ZNF517: variants seen among roughly 807,000 people sequenced by gnomAD.
ZNF517 encodes the protein zinc finger protein 517.
A neutral mutation model predicts 12.1 loss-of-function variants in ZNF517; 12 were observed. The ratio of observed to expected loss-of-function variants is 0.99; its 90% CI spans 0.63 to 1.61. The LOEUF is 1.61. ZNF517 is among the 40% of genes most tolerant of loss of function. The pLI is 0.00. For synonymous variants in ZNF517, 388 were observed against 310.2 expected (o/e 1.25, Z -2.63); for missense variants, 781 against 693.2 (o/e 1.13, Z -1.42).
chr8:144,805,727 T>C (rs1827194137), intron 4 of ZNF517, among the ~76,000 whole-genome samples: 1 of 151,852 alleles, frequency 6.6e-6, no homozygotes, highest in African/African-American at 2.4e-5. Context: ...GCCATTCTTC[T>C]GCCTCAGCCT....
intron 1 of ZNF517, among the ~76,000 whole-genome samples, chr8:144,800,151 C>T (rs1436896788): frequency 6.6e-6 from 1 of 151,784 alleles, no homozygotes; most frequent in African/African-American, 2.4e-5. Flanking sequence ...GTCTTCCAGA[C>T]CCCAGTTAAA....
intron 3 of ZNF517, 170 bp from the exon 4 acceptor site, chr8:144,803,955 C>T (rs1827098525): frequency 9.2e-7 from 1 of 1,091,524 alleles, no homozygotes; most frequent in African/African-American, 1.6e-5. Flanking sequence ...GGCTTCTCTC[C>T]TGGGGCAGGC....
intron 4 of ZNF517, among the ~76,000 whole-genome samples, chr8:144,804,814 G>A (rs574233820): frequency 1.3e-5 from 2 of 152,320 alleles, no homozygotes; most frequent in African/African-American, 4.8e-5. Context: ...CGGAGAGAGA[G>A]ACAGGACAGC....
chr8:144,806,422 C>T (rs892462131), intron 4 of ZNF517, among the ~76,000 whole-genome samples: 1 of 152,222 alleles, frequency 6.6e-6, no homozygotes, highest in African/African-American at 2.4e-5. Context: ...TCCCACAGTG[C>T]TGGAGCCATT....
Position 144,803,787 on chromosome 8 carries a change from G to C in ZNF517, c.160+20G>C, listed in dbSNP as rs1478717283. ...CACTAGGTGAGGGCTTCTGCCTTTG[G>C]TCCTGGGGCCGGGAGGTGCGTCTGT... On this transcript the variant is annotated intron_variant, in intron 3 of 4. Coordinates refer to ENST00000359971, the MANE Select transcript of ZNF517 (RefSeq NM_213605.3). 1.9e-6 allele frequency: 3 copies of C among 1,610,340 alleles called. No individual in the cohort carries two copies. The South Asian group carries it at 3.3e-5, about 18-fold the overall frequency.
At chr8:144,799,734 A>G (rs796249510) in intron 1 of ZNF517, among the ~76,000 whole-genome samples, 4 of 152,238 alleles carry the variant, frequency 2.6e-5, no homozygotes, top group African/African-American at 9.6e-5. Flanking sequence ...AGGTCAGGAG[A>G]TCGAGACCAT....
intron 4 of ZNF517, among the ~76,000 whole-genome samples, chr8:144,805,126 G>A (rs1262426538): frequency 6.6e-6 from 1 of 152,220 alleles, no homozygotes; most frequent in Non-Finnish European, 1.5e-5. Flanking sequence ...AGGCACTGGG[G>A]TTACTGCTAG....
At position 144,807,889 on chromosome 8, in the gene ZNF517, C is replaced by T. The variant is rs1273355544; in HGVS notation, c.973C>T (p.Arg325Cys). 14 of 1,548,358 alleles carry T rather than the reference C, an allele frequency of 9.0e-6. No individual in the cohort carries two copies. Among genetic ancestry groups the T allele is most frequent in the Admixed American group, 2.0e-5 (1 of 50,506 alleles). Residue 325 changes from arginine (R) to cysteine (C), a missense_variant, in exon 5 of 5, where the codon CGC becomes TGC. Coordinates refer to ENST00000359971, the MANE Select transcript of ZNF517 (RefSeq NM_213605.3). Reference sequence around the variant, plus strand: ...CTACCGGTGCCTGCGGTGTGGGCAGCGCTTCATCCGAGGGTCCTCGCTCCT... The same window carrying T: ...CTACCGGTGCCTGCGGTGTGGGCAGTGCTTCATCCGAGGGTCCTCGCTCCT... ...RPYRCLRCGQ[R>C]FIRGSSLLKH...
At position 144,808,212 on chromosome 8, in the gene ZNF517, G is replaced by A. The variant is rs752756753; in HGVS notation, c.1296G>A (p.Ala432=). The A allele has an allele frequency of 1.4e-5, 23 of 1,607,260 alleles. No individual in the cohort carries two copies. The highest frequency in any genetic ancestry group is 1.0e-4 in the South Asian group (9 of 90,406). ...TCGCGTGCACCGAGTGCGGCAAGGC[G>A]TTCCGCAGGAGCTACACGCTGAACG... ...KPFACTECGK[A]FRRSYTLNEH... Residue 432 remains alanine (A), a synonymous_variant, in exon 5 of 5, where the codon GCG becomes GCA. Transcript: ENST00000359971.
At chr8:144,803,234 T>G (rs1357598550) in intron 2 of ZNF517, 2 of 510,646 alleles carry the variant, frequency 3.9e-6, no homozygotes, top group African/African-American at 3.8e-5. Context: ...AGTGCCTGCC[T>G]CCTTCCTGGT....
chr8:144,805,072 G>A lies in ZNF517; in HGVS notation c.274+834G>A, dbSNP rs114639732. 8.7e-3 allele frequency among the ~76,000 whole-genome samples: 1,320 copies of A among 152,358 alleles called. 26 individuals are homozygous for A. The highest frequency in any genetic ancestry group is 0.029 in the African/African-American group (1,219 of 41,602). Reference sequence around the variant, plus strand: ...GTCTTCTCTAACTACCCTGGGGAAAGGAAGACTCCCTTTCCAGGTCTGCTA... The same window carrying A: ...GTCTTCTCTAACTACCCTGGGGAAAAGAAGACTCCCTTTCCAGGTCTGCTA... On this transcript the variant is annotated intron_variant, in intron 4 of 4. Coordinates refer to ENST00000359971, the MANE Select transcript of ZNF517 (RefSeq NM_213605.3).
chr8:144,802,206 C>G (rs781534767), intron 1 of ZNF517, among the ~76,000 whole-genome samples: 1 of 152,126 alleles, frequency 6.6e-6, no homozygotes, highest in Non-Finnish European at 1.5e-5. Context: ...TTATTGGTTG[C>G]AGAGTCACCC....
intron 1 of ZNF517, chr8:144,800,446 C>T: frequency 1.0e-6 from 1 of 977,098 alleles, no homozygotes; most frequent in Non-Finnish European, 1.2e-6. Flanking sequence ...CGCTCCTAGT[C>T]CAAGTCCTAC....
rs750707761 is a variant in ZNF517, at chr8:144,809,945, C to T, written c.*1550C>T. 188 of 418,070 alleles carry T rather than the reference C, an allele frequency of 4.5e-4. No individual in the cohort carries two copies. The highest frequency in any genetic ancestry group is 7.0e-4 in the Admixed American group (18 of 25,872). The allele number at this position is 418,070 out of a possible 1,614,324, so 25.9% of individuals were successfully genotyped here. ...CTGGGTGCCTGTAATCCCAGCTACT[C>T]GGGAGGCTGAAGCAGGAGAATCACT... On this transcript the variant is annotated 3_prime_UTR_variant, in exon 5 of 5. Coordinates refer to ENST00000359971, the MANE Select transcript of ZNF517 (RefSeq NM_213605.3).
At chr8:144,800,582 C>A (rs1039890764) in intron 1 of ZNF517, 7 of 985,232 alleles carry the variant, frequency 7.1e-6, no homozygotes, top group Non-Finnish European at 8.4e-6. Flanking sequence ...GAGGACAACA[C>A]GTGTGGCCAT....
At chr8:144,806,038 TTTTC>T (rs1827212304) in intron 4 of ZNF517, among the ~76,000 whole-genome samples, 1 of 152,196 alleles carries the variant, frequency 6.6e-6, no homozygotes, top group South Asian at 2.1e-4. Flanking sequence ...ATTTTATATA[TTTTC>T]TTTATTACAC....
intron 1 of ZNF517, among the ~76,000 whole-genome samples, chr8:144,801,128 C>T (rs917453475): frequency 6.6e-6 from 1 of 152,260 alleles, no homozygotes; most frequent in South Asian, 2.1e-4. Context: ...TGTGCCTGGC[C>T]TCTAAACACA....
At chr8:144,810,351 G>T (rs1263538177), downstream of ZNF517, 2 of 514,560 alleles carry the variant, frequency 3.9e-6, no homozygotes, top group African/African-American at 1.9e-5. Flanking sequence ...CCCCTCCAAG[G>T]CCCACTGCTC....
intron 4 of ZNF517, among the ~76,000 whole-genome samples, chr8:144,805,179 G>T (rs1180192569): frequency 1.3e-5 from 2 of 152,234 alleles, no homozygotes; most frequent in African/African-American, 4.8e-5. Flanking sequence ...AGGCACTGGC[G>T]TTACCGCTAG....
Sources: allele counts gnomAD v4.1 joint callset (sites outside exome capture counted in the v4.1 genomes callset), GRCh38; gene constraint gnomAD v4.1.1; transcripts MANE v1.5; gene names NCBI Gene and HGNC (gene_info 2026-07-23, HGNC 2026-07-21).